The following MANSC1 variants were observed in gnomAD, a reference collection of about 807,000 sequenced individuals.
MANSC1 encodes MANSC domain-containing protein 1.
Under a neutral mutation model 14.1 loss-of-function variants are expected in MANSC1, and 13 were observed. That is an observed-to-expected ratio of 0.92 (90% CI 0.60 to 1.46). MANSC1 has a LOEUF of 1.46. Among genes scored for constraint, MANSC1 ranks in the 40% most tolerant of loss-of-function variants. MANSC1 has a pLI of 0.00. For synonymous variants in MANSC1, 227 were observed against 200.7 expected (o/e 1.13, Z -1.11); for missense variants, 486 against 511.4 (o/e 0.95, Z 0.48).
chr12:12,347,993 G>C (rs1396830475), intron 1 of MANSC1, among the ~76,000 whole-genome samples: 1 of 152,018 alleles, frequency 6.6e-6, no homozygotes, highest in Non-Finnish European at 1.5e-5. Flanking sequence ...AACCCGGGAC[G>C]TGGAGGTTGC....
intron 1 of MANSC1, among the ~76,000 whole-genome samples, chr12:12,346,747 G>A (rs550153175): frequency 6.6e-6 from 1 of 152,258 alleles, no homozygotes; most frequent in South Asian, 2.1e-4. Context: ...AGACCTAAAT[G>A]TAAAATATAA....
rs1440237833 is a variant in MANSC1, at chr12:12,329,015, C to CACACAA, written c.*1011_*1012insTTGTGT. ...ACACACACACACACACACACACACA[C>CACACAA]ACACACACACAAGTTAACTAGAACA... On this transcript the variant is annotated 3_prime_UTR_variant, in exon 4 of 4. Coordinates refer to ENST00000535902, the MANE Select transcript of MANSC1 (RefSeq NM_018050.4). 3.9e-5 allele frequency: 6 copies of CACACAA among 153,564 alleles called. No homozygotes were observed. The Admixed American group carries it at 3.9e-4, about 10-fold the overall frequency. The allele number at this position is 153,564 out of a possible 1,614,324, so 9.5% of individuals were successfully genotyped here.
intron 2 of MANSC1, chr12:12,338,877 C>CCACA (rs1318880650): frequency 3.8e-6 from 1 of 264,240 alleles, no homozygotes; most frequent in African/African-American, 3.4e-5. Flanking sequence ...GCATCCACAA[C>CCACA]CACACACACA....
At chr12:12,349,619 C>G (rs188554672) in intron 1 of MANSC1, among the ~76,000 whole-genome samples, 1 of 152,224 alleles carries the variant, frequency 6.6e-6, no homozygotes, top group Non-Finnish European at 1.5e-5. Context: ...AAAACTTACT[C>G]GCACGTAATT....
chr12:12,331,010 T>G, intron 3 of MANSC1, 52 bp from the exon 4 acceptor site: 1 of 1,151,254 alleles, frequency 8.7e-7, no homozygotes, highest in Non-Finnish European at 1.2e-6. Flanking sequence ...CATGCTACGG[T>G]AGGTTAAAAA....
At chr12:12,335,607 G>A (rs1007938601) in intron 3 of MANSC1, among the ~76,000 whole-genome samples, 3 of 151,530 alleles carry the variant, frequency 2.0e-5, no homozygotes, top group African/African-American at 7.3e-5. Context: ...CCAAAGTGCT[G>A]GGATTACATA....
intron 2 of MANSC1, among the ~76,000 whole-genome samples, chr12:12,341,664 C>T (rs1404513575): frequency 6.6e-6 from 1 of 152,180 alleles, no homozygotes; most frequent in Non-Finnish European, 1.5e-5. Flanking sequence ...CTTGCTTTGT[C>T]ACCCAGGCTG....
chr12:12,343,093 T>C lies in MANSC1; in HGVS notation c.222A>G (p.Ser74=). 1 of 1,608,690 alleles carries C rather than the reference T, an allele frequency of 6.2e-7. No individual in the cohort carries two copies. The change falls in exon 2 of 4, where the codon TCA becomes TCG. Residue 74 remains serine, a splice_region_variant and synonymous_variant. Transcript: ENST00000535902. ...GATTGCCAAGAAACCACTATTTACC[T>C]GATATGTTTTTTGTTGAACAGCAAG... is the stretch of plus-strand genomic sequence containing the variant. ...INSCCSTKNI[S]GDKACNLMIF... is the part of the protein sequence containing the mutation.
chr12:12,339,619 G>C (rs1862908517), intron 2 of MANSC1, among the ~76,000 whole-genome samples: 1 of 152,168 alleles, frequency 6.6e-6, no homozygotes, highest in Admixed American at 6.6e-5. Context: ...CATGAGTGGA[G>C]TCAGTAAATT....
chr12:12,344,655 G>A (rs1402699610), intron 1 of MANSC1, among the ~76,000 whole-genome samples: 1 of 150,918 alleles, frequency 6.6e-6, no homozygotes, highest in Non-Finnish European at 1.5e-5. Flanking sequence ...ATTTTTAGTA[G>A]AGACGGGGTT....
At chr12:12,333,089 C>T (rs1862813833) in intron 3 of MANSC1, among the ~76,000 whole-genome samples, 1 of 151,572 alleles carries the variant, frequency 6.6e-6, no homozygotes, top group African/African-American at 2.4e-5. Context: ...CTCTGTCACC[C>T]AGGCTGGAGT....
At chr12:12,341,424 C>T (rs762149630) in intron 2 of MANSC1, among the ~76,000 whole-genome samples, 7 of 152,088 alleles carry the variant, frequency 4.6e-5, no homozygotes, top group Non-Finnish European at 1.0e-4. Context: ...ATGATGGTCT[C>T]ATTTTACACA....
Position 12,328,977 on chromosome 12 carries a change from GA to G in MANSC1, c.*1049del, listed in dbSNP as rs1389573446. The G allele has an allele frequency of 8.9e-6, 1 of 112,544 alleles. No individual in the cohort carries two copies. The allele number at this position is 112,544 out of a possible 1,614,324, so 7.0% of individuals were successfully genotyped here. ...CACTCTAGCCTGGGTGACAGAGCAA[GA>G]CTCTGTCACACACACACACACACAC... On this transcript the variant is annotated 3_prime_UTR_variant, in exon 4 of 4. Transcript: ENST00000535902.
At chr12:12,335,617 A>T (rs1369500825) in intron 3 of MANSC1, among the ~76,000 whole-genome samples, 1 of 150,148 alleles carries the variant, frequency 6.7e-6, no homozygotes, top group African/African-American at 2.4e-5. Context: ...GGGATTACAT[A>T]CATGAGTCAG....
chr12:12,328,018 T>C lies in MANSC1; in HGVS notation c.*2009A>G, dbSNP rs947187984. The C allele has an allele frequency of 2.0e-5, 3 of 152,168 alleles. No individual in the cohort carries two copies. Among genetic ancestry groups the C allele is most frequent in the African/African-American group, 7.2e-5 (3 of 41,442 alleles). The allele number at this position is 152,168 out of a possible 1,614,324, so 9.4% of individuals were successfully genotyped here. ...CCCTCTAGTGCTCACTGTATTAAGT[T>C]CGCATCTGAATTCCATTTTTATCTT... On this transcript the variant is annotated 3_prime_UTR_variant, in exon 4 of 4. Transcript: ENST00000535902.
chr12:12,334,636 C>G (rs189668126), intron 3 of MANSC1, among the ~76,000 whole-genome samples: 4 of 152,332 alleles, frequency 2.6e-5, no homozygotes, highest in African/African-American at 9.6e-5. Flanking sequence ...TTCACACTCG[C>G]CCTAAAAAGA....
intron 2 of MANSC1, among the ~76,000 whole-genome samples, chr12:12,339,979 A>T (rs1315906026): frequency 6.6e-6 from 1 of 151,868 alleles, no homozygotes; most frequent in African/African-American, 2.4e-5. Flanking sequence ...TGCCTGGCTA[A>T]TTTTTTGTTT....
intron 3 of MANSC1, among the ~76,000 whole-genome samples, chr12:12,332,450 C>A (rs1412790638): frequency 6.6e-6 from 1 of 152,190 alleles, no homozygotes; most frequent in Non-Finnish European, 1.5e-5. Context: ...AAACTACGGC[C>A]TGATGGACAA....
intron 1 of MANSC1, among the ~76,000 whole-genome samples, chr12:12,346,908 G>A (rs1352116260): frequency 4.0e-5 from 6 of 150,392 alleles, no homozygotes; most frequent in Admixed American, 3.3e-4. Context: ...CTCTACAAAA[G>A]ATACCGTTAA....
Sources: gnomAD v4.1 joint callset for allele counts (sites outside exome capture counted in the v4.1 genomes callset) on GRCh38, gnomAD v4.1.1 for gene constraint, MANE v1.5 for transcripts, NCBI Gene and HGNC (gene_info 2026-07-23, HGNC 2026-07-21) for gene names.